The following CEP112 variants were observed in gnomAD, a reference collection of about 807,000 sequenced individuals.
CEP112 encodes centrosomal protein of 112 kDa.
A neutral mutation model predicts 153.0 loss-of-function variants in CEP112; 127 were observed. The ratio of observed to expected loss-of-function variants is 0.83; its 90% confidence interval spans 0.72 to 0.96. CEP112 has a LOEUF of 0.96. CEP112 is among the 40% of genes least tolerant of loss of function. CEP112 has a pLI of 0.00. For missense variants in CEP112, 1,089 were observed against 1,101.2 expected (o/e 0.99, Z 0.16); for synonymous variants, 358 against 374.4 (o/e 0.96, Z 0.51).
intron 21 of CEP112, among the ~76,000 whole-genome samples, chr17:65,752,237 G>A (rs2051921250): frequency 6.6e-6 from 1 of 151,862 alleles, no homozygotes; most frequent in African/African-American, 2.4e-5. Flanking sequence ...GGTGATCTTT[G>A]ATGTCCTTTC....
intron 21 of CEP112, among the ~76,000 whole-genome samples, chr17:65,759,928 C>T (rs550985024): frequency 6.6e-6 from 1 of 152,140 alleles, no homozygotes; most frequent in African/African-American, 2.4e-5. Context: ...CCTCGATAAA[C>T]CCATTGTAAA....
At chr17:65,698,548 G>A (rs748734871) in intron 23 of CEP112, among the ~76,000 whole-genome samples, 2 of 152,100 alleles carry the variant, frequency 1.3e-5, no homozygotes, top group Non-Finnish European at 2.9e-5. Context: ...TAAGGAAGCC[G>A]GAATCTCCTA....
At chr17:65,787,375 T>C (rs188732872) in intron 21 of CEP112, among the ~76,000 whole-genome samples, 217 of 152,262 alleles carry the variant, frequency 1.4e-3, no homozygotes, top group Admixed American at 5.5e-3. Context: ...CCCAGCTACT[T>C]GGGAGGCTAA....
At position 65,970,355 on chromosome 17, in the gene CEP112, G is replaced by A. The variant is rs1599194043; in HGVS notation, c.1737-8757C>T. 2.7e-5 allele frequency among the ~76,000 whole-genome samples: 4 copies of A among 150,586 alleles called. No homozygotes were observed. In the South Asian group the frequency reaches 8.4e-4, roughly 32 times the overall value. ...TGCATATTACATGCATGTGCACTAT[G>A]TGCCTATATTACATGCACACATCAT... On this transcript the variant is annotated intron_variant, in intron 17 of 26. Coordinates refer to ENST00000535342, the MANE Select transcript of CEP112 (RefSeq NM_001199165.4).
intron 4 of CEP112, among the ~76,000 whole-genome samples, chr17:66,150,955 A>C (rs145622404): frequency 3.7e-4 from 57 of 152,252 alleles, no homozygotes; most frequent in Non-Finnish European, 7.1e-4. Context: ...TTTGTCTTAT[A>C]ATTTTTCCTT....
chr17:65,689,066 C>T (rs2144375684), intron 24 of CEP112, 63 bp downstream of exon 24: 4 of 1,204,412 alleles, frequency 3.3e-6, no homozygotes, highest in Middle Eastern at 1.9e-4. Flanking sequence ...CTGCACCTGG[C>T]TGCACACACT....
chr17:65,971,424 C>G (rs747265019), intron 17 of CEP112, among the ~76,000 whole-genome samples: 1 of 48,300 alleles, frequency 2.1e-5, no homozygotes, highest in Admixed American at 3.7e-4. Flanking sequence ...CAGCATGCTG[C>G]ATGCATGTTA....
intron 17 of CEP112, among the ~76,000 whole-genome samples, chr17:65,990,264 C>A (rs1238708798): frequency 6.6e-6 from 1 of 152,106 alleles, no homozygotes; most frequent in East Asian, 1.9e-4. Flanking sequence ...TTAAGTGATT[C>A]TTCCCCTCAA....
At chr17:66,065,074 C>T (rs2067063715) in intron 10 of CEP112, among the ~76,000 whole-genome samples, 1 of 152,184 alleles carries the variant, frequency 6.6e-6, no homozygotes, top group African/African-American at 2.4e-5. Flanking sequence ...CTTCCCTTCT[C>T]CTTTTCTCTT....
intron 5 of CEP112, among the ~76,000 whole-genome samples, chr17:66,130,902 A>G: frequency 6.6e-6 from 1 of 152,242 alleles, no homozygotes; most frequent in Non-Finnish European, 1.5e-5. Flanking sequence ...GATGAAAACT[A>G]TAATGAACTA....
At chr17:65,839,028 AAAAACCC>A (rs894403903) in intron 21 of CEP112, among the ~76,000 whole-genome samples, 6 of 152,210 alleles carry the variant, frequency 3.9e-5, no homozygotes, top group Non-Finnish European at 7.4e-5. Flanking sequence ...TTCATCAAAG[AAAAACCC>A]AGAACCTGAG....
chr17:65,840,579 A>AT lies in CEP112; in HGVS notation c.2394+11224dup, dbSNP rs987309770. On this transcript the variant is annotated intron_variant, in intron 21 of 26. Transcript: ENST00000535342. ...GAAGAAGATATTGGTCTAGGCAAAG[A>AT]TTTTTTTTGGTAAGACTTCAAAAGC... 1.7e-4 allele frequency among the ~76,000 whole-genome samples: 26 copies of AT among 151,972 alleles called. No homozygotes were observed. In the East Asian group the frequency reaches 2.9e-3, roughly 17 times the overall value.
chr17:66,096,662 G>C, intron 6 of CEP112, 30 bp from the exon 7 acceptor site: 1 of 1,396,740 alleles, frequency 7.2e-7, no homozygotes, highest in Non-Finnish European at 1.0e-6. Flanking sequence ...ACAAAATAAG[G>C]ATTTATTAAT....
intron 20 of CEP112, among the ~76,000 whole-genome samples, chr17:65,892,727 G>A (rs1173126603): frequency 6.6e-6 from 1 of 152,068 alleles, no homozygotes; most frequent in Admixed American, 6.6e-5. Context: ...GTAATTGGTG[G>A]ATAATTGAAG....
chr17:65,991,997 A>G (rs1218540620), intron 17 of CEP112, among the ~76,000 whole-genome samples: 2 of 149,414 alleles, frequency 1.3e-5, no homozygotes, highest in East Asian at 3.9e-4. Flanking sequence ...ACTTCATCCA[A>G]ATTTTTGCAG....
At chr17:65,759,783 ATTCT>A (rs1015372090) in intron 21 of CEP112, among the ~76,000 whole-genome samples, 3 of 152,172 alleles carry the variant, frequency 2.0e-5, no homozygotes, top group Non-Finnish European at 4.4e-5. Context: ...TTCTTCTCTG[ATTCT>A]TTCATCAGAA....
intron 17 of CEP112, among the ~76,000 whole-genome samples, chr17:65,996,682 A>G (rs1440041035): frequency 6.6e-6 from 1 of 152,104 alleles, no homozygotes; most frequent in Non-Finnish European, 1.5e-5. Flanking sequence ...ACTTAAATTT[A>G]TATTTTCATT....
At chr17:65,787,348 TG>T (rs1383096635) in intron 21 of CEP112, among the ~76,000 whole-genome samples, 1 of 152,116 alleles carries the variant, frequency 6.6e-6, no homozygotes, top group Non-Finnish European at 1.5e-5. Context: ...CTGGGCATGG[TG>T]GTGTGCAACT....
At position 66,176,994 on chromosome 17, in the gene CEP112, T is replaced by C. The variant is rs1476129924; in HGVS notation, c.133A>G (p.Arg45Gly). 2 of 1,613,088 alleles carry C rather than the reference T, an allele frequency of 1.2e-6. No homozygotes were observed. Among genetic ancestry groups the C allele is most frequent in the Non-Finnish European group, 8.5e-7 (1 of 1,179,536 alleles). Residue 45 changes from arginine (R) to glycine (G), a missense_variant, in exon 3 of 27, where the codon AGA becomes GGA. Physicochemically the swap from Arg to Gly is moderately radical, Grantham distance 125. Coordinates refer to ENST00000535342, the MANE Select transcript of CEP112 (RefSeq NM_001199165.4). ...GTTCCTGAAGGTTCGCACAGCTTTC[T>C]AATCCAAAGAGCACACCTCTGCCGT... Reference protein sequence around the residue: ...TERQRCALWIRKLCEPSGTGA... With the variant: ...TERQRCALWIGKLCEPSGTGA...
Sources: gnomAD v4.1 joint callset for allele counts (sites outside exome capture counted in the v4.1 genomes callset) on GRCh38, gnomAD v4.1.1 for gene constraint, MANE v1.5 for transcripts, NCBI Gene and HGNC (gene_info 2026-07-23, HGNC 2026-07-21) for gene names.